Variants in MYO16 observed in about 807,000 individuals in gnomAD.
The protein encoded by MYO16 is myosin XVI, also known as unconventional myosin-XVI.
A neutral mutation model predicts 205.3 loss-of-function variants in MYO16; 94 were observed. That is an observed-to-expected ratio of 0.46 (90% CI 0.39 to 0.54). The LOEUF (loss-of-function observed/expected upper bound fraction) is 0.54. Ranked by LOEUF, MYO16 falls within the 20% of genes least tolerant of loss-of-function variation. The probability of loss-of-function intolerance (pLI) is 0.00; values close to 1 mark genes in which losing one functional copy is unlikely to be tolerated. For synonymous variants in MYO16, 988 were observed against 954.0 expected (o/e 1.04, Z -0.66); for missense variants, 2,315 against 2,387.5 (o/e 0.97, Z 0.63).
chr13:108,593,264 G>A (rs1878452577), upstream of MYO16, among the ~76,000 whole-genome samples: 1 of 152,156 alleles, frequency 6.6e-6, no homozygotes, highest in East Asian at 1.9e-4. Context: ...TCTTCGAAGA[G>A]GAGTTTAAGA....
chr13:108,923,348 G>A (rs1453956489), intron 16 of MYO16, among the ~76,000 whole-genome samples: 1 of 152,246 alleles, frequency 6.6e-6, no homozygotes, highest in Non-Finnish European at 1.5e-5. Context: ...GTAATAAGGT[G>A]AAGGCAGTAC....
Position 108,610,513 on chromosome 13 carries a change from C to T in MYO16, c.-39+14274C>T, listed in dbSNP as rs550799926. On this transcript the variant is annotated intron_variant, in intron 1 of 24. Transcript: ENST00000251041. ...CTGGAGAAATAGAAAGACAAGGCCC[C>T]TGCCCTTGTTTATGAAGAAGCATAG... Among the ~76,000 whole-genome samples the T allele has an allele frequency of 2.1e-3, 316 of 152,266 alleles. 1 individual carries two copies. Among genetic ancestry groups the T allele is most frequent in the Non-Finnish European group, 3.6e-3 (242 of 68,018 alleles).
At chr13:108,635,293 G>A (rs1056261953) in intron 1 of MYO16, among the ~76,000 whole-genome samples, 10 of 152,102 alleles carry the variant, frequency 6.6e-5, no homozygotes, top group South Asian at 2.1e-4. Flanking sequence ...CAACTCCATC[G>A]TCGAAATATG....
At chr13:108,695,905 A>G (rs951622183) in intron 2 of MYO16, among the ~76,000 whole-genome samples, 2 of 152,204 alleles carry the variant, frequency 1.3e-5, no homozygotes, top group African/African-American at 4.8e-5. Context: ...TTCTATGTTA[A>G]CCACATAAAG....
intron 1 of MYO16, among the ~76,000 whole-genome samples, chr13:108,603,111 A>C (rs985415949): frequency 4.6e-5 from 7 of 152,176 alleles, no homozygotes; most frequent in African/African-American, 1.7e-4. Flanking sequence ...ATATATTCCA[A>C]AGGAATATTT....
At chr13:108,667,097 T>A (rs1881765668) in intron 2 of MYO16, among the ~76,000 whole-genome samples, 2 of 152,224 alleles carry the variant, frequency 1.3e-5, no homozygotes, top group Non-Finnish European at 2.9e-5. Flanking sequence ...TTCACTGACC[T>A]ACTTATGGTT....
rs907678004 is a variant in MYO16, at chr13:109,141,899, G to A, written c.5164+523G>A. ...ATGCCACTCGGCTGTGGGCTGTTTG[G>A]GATGAACTGCTTTTCTTCTGGTCGT... is the stretch of plus-strand genomic sequence containing the variant. On this transcript the variant is annotated intron_variant, in intron 32 of 34. Transcript: ENST00000457511. This position sits in a 1 kb window ranked among gnomAD's most constrained non-coding sequence, Gnocchi z 4.1. 1.3e-5 allele frequency among the ~76,000 whole-genome samples: 2 copies of A among 152,038 alleles called. No homozygotes were observed. Among genetic ancestry groups the A allele is most frequent in the African/African-American group, 4.8e-5 (2 of 41,392 alleles).
chr13:108,815,186 T>C (rs1348014302), intron 7 of MYO16, among the ~76,000 whole-genome samples: 1 of 152,190 alleles, frequency 6.6e-6, no homozygotes, highest in African/African-American at 2.4e-5. Context: ...CCACACTCAT[T>C]GATATGCAGT....
At chr13:108,885,494 T>A (rs1198320477) in intron 13 of MYO16, among the ~76,000 whole-genome samples, 1 of 152,216 alleles carries the variant, frequency 6.6e-6, no homozygotes, top group East Asian at 1.9e-4. Context: ...GGCAACCCTA[T>A]TTTTATCTGC....
intron 11 of MYO16, among the ~76,000 whole-genome samples, chr13:108,860,441 T>A (rs1020940415): frequency 6.6e-6 from 1 of 152,218 alleles, no homozygotes; most frequent in Non-Finnish European, 1.5e-5. Flanking sequence ...TCTATGTCTT[T>A]GCTATTGTGA....
At chr13:108,896,688 C>T (rs1038015349) in intron 14 of MYO16, among the ~76,000 whole-genome samples, 28 of 152,072 alleles carry the variant, frequency 1.8e-4, no homozygotes, top group African/African-American at 5.8e-4. Context: ...TCAAAGCAGC[C>T]GCGCGTGGTG....
intron 1 of MYO16, among the ~76,000 whole-genome samples, chr13:108,599,805 G>A (rs1453030608): frequency 9.2e-5 from 14 of 152,150 alleles, no homozygotes; most frequent in African/African-American, 4.8e-5. Flanking sequence ...TGCTTTCCCA[G>A]TTTTGGGTTG....
rs1346057434 is a variant in MYO16, at chr13:108,632,981, G to C, written c.28+3109G>C. Among the ~76,000 whole-genome samples, 4 of 152,130 alleles carry C rather than the reference G, an allele frequency of 2.6e-5. No individual in the cohort carries two copies. The East Asian group carries it at 7.7e-4, about 29-fold the overall frequency. On this transcript the variant is annotated intron_variant, in intron 1 of 34. Coordinates refer to ENST00000457511, the MANE Select transcript of MYO16 (RefSeq NM_001198950.3). ...GTGGAGTTCCCTTCACGTGCCTCTG[G>C]GGGTGAAGCATTGCAATAACTACAC... is the stretch of plus-strand genomic sequence containing the variant.
chr13:108,525,273 G>A, the MYO16 span, among the ~76,000 whole-genome samples: 1 of 152,190 alleles, frequency 6.6e-6, no homozygotes, highest in Non-Finnish European at 1.5e-5. Context: ...AGACTAGGAT[G>A]CAATAAAATC....
At chr13:108,578,969 C>T in the MYO16 span, among the ~76,000 whole-genome samples, 49 of 150,868 alleles carry the variant, frequency 3.2e-4, no homozygotes, top group Admixed American at 2.4e-3. Context: ...CAGTTATATG[C>T]GAGCGTCAGA....
intron 27 of MYO16, among the ~76,000 whole-genome samples, chr13:109,068,480 G>T (rs1887822248): frequency 6.7e-6 from 1 of 150,020 alleles, no homozygotes; most frequent in Non-Finnish European, 1.5e-5. Flanking sequence ...AATGGGCATG[G>T]CTATACGCCT....
At chr13:108,564,251 A>G in the MYO16 span, among the ~76,000 whole-genome samples, 1 of 149,774 alleles carries the variant, frequency 6.7e-6, no homozygotes, top group Non-Finnish European at 1.5e-5. Context: ...GCTCACCACA[A>G]CCTCCATGTC....
At chr13:109,003,368 G>A (rs909345175) in intron 21 of MYO16, among the ~76,000 whole-genome samples, 7 of 152,168 alleles carry the variant, frequency 4.6e-5, no homozygotes, top group Non-Finnish European at 7.3e-5. Flanking sequence ...AGGTTCAGGT[G>A]TATTGCAAAG....
the MYO16 span, among the ~76,000 whole-genome samples, chr13:108,563,057 A>G: frequency 2.0e-5 from 3 of 152,222 alleles, no homozygotes; most frequent in Non-Finnish European, 4.4e-5. Context: ...GTGACATCCA[A>G]TTGCCTTACT....
Sources: allele counts gnomAD v4.1 joint callset (sites outside exome capture counted in the v4.1 genomes callset), GRCh38; gene constraint gnomAD v4.1.1; non-coding constraint Gnocchi (gnomAD v3.1); transcripts MANE v1.5; gene names NCBI Gene and HGNC (gene_info 2026-07-23, HGNC 2026-07-21).